Variants in THADA observed in about 807,000 individuals in gnomAD.
THADA encodes THADA armadillo repeat containing.
THADA carries 213 observed loss-of-function variants against 219.8 expected under a neutral mutation model. The ratio of observed to expected loss-of-function variants is 0.97; its 90% confidence interval spans 0.87 to 1.09. The LOEUF (loss-of-function observed/expected upper bound fraction) is 1.09, where lower values mean the gene tolerates loss of function less well. THADA is among the 50% of genes least tolerant of loss of function. The probability of loss-of-function intolerance (pLI) is 0.00; values close to 1 mark genes in which losing one functional copy is unlikely to be tolerated. For synonymous variants in THADA, 1,018 were observed against 828.9 expected (o/e 1.23, Z -3.92); for missense variants, 2,956 against 2,311.3 (o/e 1.28, Z -5.72).
intron 26 of THADA, among the ~76,000 whole-genome samples, chr2:43,471,041 G>A (rs1447745791): frequency 6.6e-6 from 1 of 152,178 alleles, no homozygotes; most frequent in Non-Finnish European, 1.5e-5. Context: ...TAGGCCTACT[G>A]AAAACATACA....
chr2:43,264,672 G>A (rs1031241472), intron 36 of THADA, among the ~76,000 whole-genome samples: 2 of 152,144 alleles, frequency 1.3e-5, no homozygotes, highest in Non-Finnish European at 2.9e-5. Context: ...TAGCCAAGGT[G>A]GAAATTTCAG....
At chr2:43,527,675 A>G (rs1343492337) in intron 22 of THADA, among the ~76,000 whole-genome samples, 1 of 152,206 alleles carries the variant, frequency 6.6e-6, no homozygotes, top group Admixed American at 6.5e-5. Flanking sequence ...CAATGACAGA[A>G]TAATAACTCA....
At chr2:43,255,456 T>C (rs1465966566) in intron 36 of THADA, among the ~76,000 whole-genome samples, 1 of 152,202 alleles carries the variant, frequency 6.6e-6, no homozygotes, top group African/African-American at 2.4e-5. Flanking sequence ...TTCCCTGACA[T>C]GAATTTCCAC....
At chr2:43,288,059 C>T (rs983058383) in intron 34 of THADA, among the ~76,000 whole-genome samples, 1 of 152,220 alleles carries the variant, frequency 6.6e-6, no homozygotes, top group African/African-American at 2.4e-5. Context: ...TGTCAAGATA[C>T]ATTGGCTTTG....
intron 21 of THADA, among the ~76,000 whole-genome samples, chr2:43,532,069 G>A (rs1197433712): frequency 6.6e-6 from 1 of 150,870 alleles, no homozygotes. Context: ...TTCTGTTCTG[G>A]AGCCCCTATC....
chr2:43,421,094 T>C (rs1305827491), intron 28 of THADA, among the ~76,000 whole-genome samples: 1 of 152,190 alleles, frequency 6.6e-6, no homozygotes, highest in Non-Finnish European at 1.5e-5. Flanking sequence ...AATATACAAA[T>C]ACCCCATGGA....
intron 30 of THADA, among the ~76,000 whole-genome samples, chr2:43,332,844 A>AT (rs1266448841): frequency 6.6e-6 from 1 of 152,188 alleles, no homozygotes; most frequent in African/African-American, 2.4e-5. Context: ...AGATTTCTAT[A>AT]TTTAAAAAGT....
chr2:43,566,707 C>G lies in THADA; in HGVS notation c.2302G>C (p.Val768Leu), dbSNP rs1698729982. Residue 768 changes from valine (V) to leucine (L), a missense_variant, in exon 15 of 38, where the codon GTC becomes CTC. Transcript: ENST00000405975. ...ATTATTAAACACTTACCTTCTGGGA[C>G]ATGAAAAACTTCAGCTATTGAACCT... ...ILGSIAEVFH[V>L]PEGRIYTVYQ... 3.7e-6 allele frequency: 6 copies of G among 1,605,016 alleles called. No homozygotes were observed. The highest frequency in any genetic ancestry group is 5.1e-6 in the Non-Finnish European group (6 of 1,177,454).
intron 23 of THADA, among the ~76,000 whole-genome samples, chr2:43,507,724 A>C (rs1210604147): frequency 6.6e-6 from 1 of 152,206 alleles, no homozygotes; most frequent in Non-Finnish European, 1.5e-5. Flanking sequence ...TTATACCACC[A>C]TATTCCCGGA....
At chr2:43,496,040 C>T (rs1378345132) in intron 25 of THADA, among the ~76,000 whole-genome samples, 1 of 152,162 alleles carries the variant, frequency 6.6e-6, no homozygotes, top group East Asian at 1.9e-4. Context: ...CTTTGGCTTT[C>T]ACTGCAAAAT....
chr2:43,515,602 C>T (rs183387258), intron 22 of THADA, among the ~76,000 whole-genome samples: 1 of 150,008 alleles, frequency 6.7e-6, no homozygotes, highest in African/African-American at 2.5e-5. Flanking sequence ...AAAAAACTTA[C>T]AAGCCACAGG....
chr2:43,414,095 T>G (rs901493259), intron 28 of THADA, among the ~76,000 whole-genome samples: 20 of 152,254 alleles, frequency 1.3e-4, no homozygotes, highest in African/African-American at 4.8e-4. Context: ...TGTTTTATTG[T>G]TGTGTTTACT....
chr2:43,331,643 G>T (rs935222173), intron 30 of THADA, among the ~76,000 whole-genome samples: 6 of 152,048 alleles, frequency 3.9e-5, no homozygotes, highest in African/African-American at 1.4e-4. Flanking sequence ...TACATCACAT[G>T]CACTCCCTCC....
At chr2:43,475,904 C>T (rs1685475817) in intron 26 of THADA, among the ~76,000 whole-genome samples, 1 of 152,210 alleles carries the variant, frequency 6.6e-6, no homozygotes, top group Non-Finnish European at 1.5e-5. Flanking sequence ...CTGTTCTTAA[C>T]ACAAACATTT....
chr2:43,401,468 C>T (rs748486732), intron 28 of THADA, among the ~76,000 whole-genome samples: 16 of 152,064 alleles, frequency 1.1e-4, no homozygotes, highest in African/African-American at 1.9e-4. Context: ...GTAGTAGAGA[C>T]GGCCTTTCAC....
intron 28 of THADA, among the ~76,000 whole-genome samples, chr2:43,407,420 T>C (rs1399306917): frequency 3.3e-5 from 5 of 152,202 alleles, no homozygotes; most frequent in Admixed American, 1.3e-4. Flanking sequence ...TAGCTCTCTA[T>C]TGTCACATTA....
rs537098771 is a variant in THADA, at chr2:43,383,425, G to A, written c.4227+14546C>T. Reference sequence around the variant, plus strand: ...ACAGTATTAAGGGTTCTCATCAGCAGTTTAAGCTAACATACCAGATAATTA... The same window carrying A: ...ACAGTATTAAGGGTTCTCATCAGCAATTTAAGCTAACATACCAGATAATTA... On this transcript the variant is annotated intron_variant, in intron 29 of 37. Coordinates refer to ENST00000405975, the MANE Select transcript of THADA (RefSeq NM_022065.5). Among the ~76,000 whole-genome samples the A allele has an allele frequency of 7.2e-5, 11 of 152,266 alleles. No homozygotes were observed. The East Asian group carries it at 1.9e-3, about 27-fold the overall frequency.
At chr2:43,272,979 T>C (rs982912485) in intron 36 of THADA, among the ~76,000 whole-genome samples, 2 of 151,764 alleles carry the variant, frequency 1.3e-5, no homozygotes, top group Non-Finnish European at 2.9e-5. Context: ...CCAGGCACGG[T>C]GGCTCATGCC....
At chr2:43,270,787 C>A (rs1474364005) in intron 36 of THADA, among the ~76,000 whole-genome samples, 5 of 152,192 alleles carry the variant, frequency 3.3e-5, no homozygotes, top group African/African-American at 1.2e-4. Context: ...TTCAAGACTG[C>A]AGTGAGCTAC....
Sources: gnomAD v4.1 joint callset for allele counts (sites outside exome capture counted in the v4.1 genomes callset) on GRCh38, gnomAD v4.1.1 for gene constraint, MANE v1.5 for transcripts, NCBI Gene and HGNC (gene_info 2026-07-23, HGNC 2026-07-21) for gene names.